Variants in UQCC1 observed in about 807,000 individuals in gnomAD.
UQCC1 encodes bFGF-repressed Zic-binding protein.
In UQCC1, 38 loss-of-function variants were observed where a neutral mutation model predicts 48.0. That is an observed-to-expected ratio of 0.79 (90% CI 0.61 to 1.04). The LOEUF (loss-of-function observed/expected upper bound fraction) is 1.04. Ranked by LOEUF, UQCC1 falls within the 50% of genes least tolerant of loss-of-function variation. The pLI is 0.00. For missense variants in UQCC1, 368 were observed against 381.8 expected (o/e 0.96, Z 0.30); for synonymous variants, 111 against 129.2 (o/e 0.86, Z 0.95).
chr20:35,400,060 G>C (rs1568712425), intron 1 of UQCC1, among the ~76,000 whole-genome samples: 1 of 151,520 alleles, frequency 6.6e-6, no homozygotes, highest in African/African-American at 2.4e-5. Flanking sequence ...CGAGTAGCTG[G>C]GACTAGAGCG....
intron 7 of UQCC1, among the ~76,000 whole-genome samples, chr20:35,343,178 G>A (rs1038326817): frequency 6.6e-6 from 1 of 152,048 alleles, no homozygotes; most frequent in East Asian, 1.9e-4. Flanking sequence ...TCTTACAGAG[G>A]TACACCTGGG....
At position 35,302,842 on chromosome 20, in the gene UQCC1, TAG is replaced by T. The variant is rs2060885783; in HGVS notation, c.*1091_*1092del. The T allele has an allele frequency of 6.6e-6, 1 of 152,370 alleles. No homozygotes were observed. Among genetic ancestry groups the T allele is most frequent in the Admixed American group, 6.5e-5 (1 of 15,308 alleles). The allele number at this position is 152,370 out of a possible 1,614,324, so 9.4% of individuals were successfully genotyped here. A position where few individuals can be genotyped will look rare whatever the true frequency, so the allele number is the denominator to read the frequency against. Reference sequence around the variant, plus strand: ...AGAAGTGGGATATACCTCACCCATATAGAGTTTCTTTATATGACTCATTTTAT... The same window carrying T: ...AGAAGTGGGATATACCTCACCCATATAGTTTCTTTATATGACTCATTTTAT... On this transcript the variant is annotated 3_prime_UTR_variant, in exon 10 of 10. Transcript: ENST00000374385.
intron 2 of UQCC1, among the ~76,000 whole-genome samples, chr20:35,389,522 C>T (rs1248245908): frequency 3.3e-5 from 5 of 151,374 alleles, no homozygotes; most frequent in Middle Eastern, 6.3e-3. Context: ...AAGATCTCGC[C>T]ACTGCACTCC....
intron 4 of UQCC1, 45 bp from the exon 5 acceptor site, chr20:35,374,301 A>C (rs767964389): frequency 6.8e-7 from 1 of 1,465,430 alleles, no homozygotes; most frequent in South Asian, 1.2e-5. Context: ...GACCAAGTGG[A>C]TGTTCTACTT....
intron 1 of UQCC1, among the ~76,000 whole-genome samples, chr20:35,408,080 A>G (rs535576197): frequency 2.0e-5 from 3 of 152,318 alleles, no homozygotes; most frequent in African/African-American, 7.2e-5. Flanking sequence ...AGAAATGTAA[A>G]TCAATAATAC....
intron 2 of UQCC1, among the ~76,000 whole-genome samples, chr20:35,393,597 T>A (rs2146513556): frequency 6.6e-6 from 1 of 152,072 alleles, no homozygotes; most frequent in South Asian, 2.1e-4. Flanking sequence ...CATAGATGAT[T>A]TATTTCCCTT....
intron 1 of UQCC1, among the ~76,000 whole-genome samples, chr20:35,397,810 T>C (rs1328153510): frequency 1.3e-5 from 2 of 152,254 alleles, no homozygotes; most frequent in Middle Eastern, 3.4e-3. Context: ...TTGGGGACAA[T>C]TGTACTAGGA....
chr20:35,337,331 G>C, intron 7 of UQCC1, among the ~76,000 whole-genome samples: 1 of 152,114 alleles, frequency 6.6e-6, no homozygotes, highest in East Asian at 1.9e-4. Flanking sequence ...TGGGACTACA[G>C]GTGCATGCCA....
intron 6 of UQCC1, among the ~76,000 whole-genome samples, chr20:35,352,625 T>G (rs2061501691): frequency 6.6e-6 from 1 of 152,162 alleles, no homozygotes; most frequent in Non-Finnish European, 1.5e-5. Context: ...TATCACCTGG[T>G]CTAGATGATC....
intron 5 of UQCC1, among the ~76,000 whole-genome samples, chr20:35,367,115 A>G (rs2061678891): frequency 7.0e-6 from 1 of 142,080 alleles, no homozygotes; most frequent in African/African-American, 2.5e-5. Context: ...AAAAACAAAC[A>G]AAAAAACAAC....
intron 7 of UQCC1, among the ~76,000 whole-genome samples, chr20:35,323,069 G>A (rs1236653974): frequency 1.3e-5 from 2 of 152,046 alleles, no homozygotes; most frequent in Admixed American, 6.5e-5. Context: ...GCATGGTCTT[G>A]ACCTCCTGAC....
Position 35,382,493 on chromosome 20 carries a change from T to C in UQCC1, c.226-468A>G, listed in dbSNP as rs188365378. Among the ~76,000 whole-genome samples the C allele has an allele frequency of 6.1e-3, 920 of 150,568 alleles. 12 individuals are homozygous for C. The highest frequency in any genetic ancestry group is 0.022 in the African/African-American group (881 of 40,858). ...TGTTTTCACCTACAATTTTTAATTTTCTTTTTTTTTTCTTTTTTCTTTTTT... is the reference window on the plus strand; with the variant it reads ...TGTTTTCACCTACAATTTTTAATTTCCTTTTTTTTTTCTTTTTTCTTTTTT... On this transcript the variant is annotated intron_variant, in intron 3 of 9. Transcript: ENST00000374385.
In UQCC1 at chr20:35,306,447, A is replaced by C. The variant is rs959470393; in HGVS notation, c.765+219T>G. On this transcript the variant is annotated intron_variant, in intron 9 of 9. Transcript: ENST00000374385. ...GTTCCTGAGGGCAGGAGACTACTCG[A>C]TGCCTCTTTCTCTCTCTCTTCCCAT... 7.5e-6 allele frequency: 4 copies of C among 533,962 alleles called. No homozygotes were observed. The Admixed American group carries it at 1.3e-4, about 17-fold the overall frequency. The allele number at this position is 533,962 out of a possible 1,614,324, so 33.1% of individuals were successfully genotyped here.
intron 7 of UQCC1, among the ~76,000 whole-genome samples, chr20:35,326,967 C>T (rs1266625355): frequency 6.6e-6 from 1 of 152,158 alleles, no homozygotes; most frequent in East Asian, 1.9e-4. Flanking sequence ...GATGCTGAGG[C>T]CCTGAACAAC....
intron 7 of UQCC1, among the ~76,000 whole-genome samples, chr20:35,318,770 C>G (rs4911488): frequency 0.084 from 12,818 of 152,264 alleles, 716 homozygotes; most frequent in South Asian, 0.21. Context: ...ACAGCACCTT[C>G]CTCAACTACC....
chr20:35,349,506 C>T (rs1392238581), intron 6 of UQCC1, among the ~76,000 whole-genome samples: 2 of 152,132 alleles, frequency 1.3e-5, no homozygotes, highest in East Asian at 1.9e-4. Context: ...AAATATAATA[C>T]CATCAATGTG....
chr20:35,343,062 A>G (rs917214195), intron 7 of UQCC1, among the ~76,000 whole-genome samples: 1 of 152,146 alleles, frequency 6.6e-6, no homozygotes, highest in African/African-American at 2.4e-5. Flanking sequence ...TTATTTCTTG[A>G]TCTTCCACAC....
intron 1 of UQCC1, among the ~76,000 whole-genome samples, chr20:35,398,708 T>C (rs1354732625): frequency 1.5e-5 from 2 of 135,930 alleles, no homozygotes; most frequent in African/African-American, 5.8e-5. Context: ...CTAAAAATGT[T>C]AACTATGGGA....
rs1173808226 is a variant in UQCC1, at chr20:35,302,803, T to C, written c.*1132A>G. ...ATAAACTGAGAGAAGCGGTTTGATT[T>C]GTAATGTTTTCACAGAAGTGGGATA... On this transcript the variant is annotated 3_prime_UTR_variant, in exon 10 of 10. Coordinates refer to ENST00000374385, the MANE Select transcript of UQCC1 (RefSeq NM_018244.5). 3 of 152,250 alleles carry C rather than the reference T, an allele frequency of 2.0e-5. No homozygotes were observed. Among genetic ancestry groups the C allele is most frequent in the Non-Finnish European group, 4.4e-5 (3 of 68,042 alleles). 9.4% of individuals were successfully genotyped at this position (152,250 alleles called of 1,614,324 possible).
Sources: gnomAD v4.1 joint callset for allele counts (sites outside exome capture counted in the v4.1 genomes callset) on GRCh38, gnomAD v4.1.1 for gene constraint, MANE v1.5 for transcripts, NCBI Gene and HGNC (gene_info 2026-07-23, HGNC 2026-07-21) for gene names.